KREMEN1: variants seen among roughly 807,000 people sequenced by gnomAD.
KREMEN1 encodes kringle containing transmembrane protein 1, also known as kremen protein 1.
In KREMEN1, 30 loss-of-function variants were observed where a neutral mutation model predicts 46.5. That is an observed-to-expected ratio of 0.65 (90% CI 0.48 to 0.88). The LOEUF (loss-of-function observed/expected upper bound fraction) is 0.88. KREMEN1 is among the 40% of genes least tolerant of loss of function. KREMEN1 has a pLI of 0.00. For missense variants in KREMEN1, 533 were observed against 596.9 expected (o/e 0.89, Z 1.11); for synonymous variants, 214 against 230.6 (o/e 0.93, Z 0.65).
chr22:29,094,326 C>A lies in KREMEN1; in HGVS notation c.166C>A (p.Pro56Thr), dbSNP rs764936485. Residue 56 changes from proline (P) to threonine (T), a missense_variant, in exon 2 of 9, where the codon CCA (proline) becomes ACA (threonine). Coordinates refer to ENST00000400335, the MANE Select transcript of KREMEN1 (RefSeq NM_001039570.3). ...QNWTALQGGK[P>T]CLFWNETFQH... ...CTGGACAGCACTACAAGGCGGGAAG[C>A]CATGTCTGTTTTGGAACGAGACTTT... 68 of 1,613,794 alleles carry A rather than the reference C, an allele frequency of 4.2e-5. No individual in the cohort carries two copies. Among genetic ancestry groups the A allele is most frequent in the Non-Finnish European group, 8.5e-6 (10 of 1,179,832 alleles).
intron 1 of KREMEN1, among the ~76,000 whole-genome samples, chr22:29,091,857 T>G (rs140883742): frequency 3.9e-5 from 6 of 152,344 alleles, no homozygotes; most frequent in African/African-American, 1.4e-4. Flanking sequence ...AAGGTAGTGT[T>G]CAGTCTGTGA....
chr22:29,119,979 T>G (rs796074365), intron 3 of KREMEN1, among the ~76,000 whole-genome samples: 111 of 141,578 alleles, frequency 7.8e-4, no homozygotes, highest in African/African-American at 3.2e-3. Flanking sequence ...AGAAGACAGA[T>G]GTGACAATGG....
At chr22:29,080,735 CA>C (rs1458748323) in intron 1 of KREMEN1, among the ~76,000 whole-genome samples, 1 of 152,076 alleles carries the variant, frequency 6.6e-6, no homozygotes, top group Non-Finnish European at 1.5e-5. Flanking sequence ...ATTTTGCCCC[CA>C]GGGGACATTT....
In KREMEN1 at chr22:29,145,528, T is replaced by C; in HGVS notation, c.*3416T>C. 1.0e-6 allele frequency: 1 copy of C among 985,528 alleles called. No homozygotes were observed. Among genetic ancestry groups the C allele is most frequent in the Non-Finnish European group, 1.2e-6 (1 of 830,020 alleles). 61.0% of individuals were successfully genotyped at this position (985,528 alleles called of 1,614,324 possible). On this transcript the variant is annotated 3_prime_UTR_variant, in exon 9 of 9. Coordinates refer to ENST00000400335, the MANE Select transcript of KREMEN1 (RefSeq NM_001039570.3). The stretch of plus-strand genomic sequence containing the variant: ...AGCCCTCACCAGCCGATCTTGTCAC[T>C]CTCCGTGGTGACAGTGTCTTGGCCA...
chr22:29,137,586 G>C lies in KREMEN1; in HGVS notation c.876G>C (p.Leu292=). The change falls in exon 6 of 9, where the codon CTG becomes CTC. Residue 292 remains leucine, a synonymous_variant. Coordinates refer to ENST00000400335, the MANE Select transcript of KREMEN1 (RefSeq NM_001039570.3). ...ARFHGRSRPP[L]SFNVSLDFVI... is the part of the protein sequence containing the mutation. ...TCCACGGGAGGAGCCGCCCACCTCT[G>C]TCCTTCAACGTCTCTCTGGACTTCG... 1 of 1,613,540 alleles carries C rather than the reference G, an allele frequency of 6.2e-7. No homozygotes were observed. The highest frequency in any genetic ancestry group is 8.5e-7 in the Non-Finnish European group (1 of 1,179,502).
chr22:29,108,914 C>T (rs774195967), intron 3 of KREMEN1, among the ~76,000 whole-genome samples: 2 of 152,288 alleles, frequency 1.3e-5, no homozygotes, highest in Middle Eastern at 3.4e-3. Flanking sequence ...CTCAGTGTCC[C>T]AAGTAGCTGG....
intron 1 of KREMEN1, among the ~76,000 whole-genome samples, chr22:29,083,243 G>C (rs134624): frequency 0.64 from 97,245 of 152,008 alleles, 31,312 homozygotes; most frequent in Middle Eastern, 0.78. Context: ...CTTTACATCA[G>C]CAAAGTATAA....
chr22:29,126,422 G>C (rs914870351), intron 5 of KREMEN1, among the ~76,000 whole-genome samples: 1 of 152,144 alleles, frequency 6.6e-6, no homozygotes, highest in Non-Finnish European at 1.5e-5. Context: ...TCTGGTGGTT[G>C]TCGGCGATCC....
chr22:29,148,702 G>A (rs1293112526), downstream of KREMEN1, among the ~76,000 whole-genome samples: 2 of 152,014 alleles, frequency 1.3e-5, no homozygotes, highest in South Asian at 2.1e-4. Context: ...TGATCCGCCC[G>A]CCTCGGCCTC....
At chr22:29,097,169 C>T (rs1452825339) in intron 2 of KREMEN1, among the ~76,000 whole-genome samples, 1 of 152,262 alleles carries the variant, frequency 6.6e-6, no homozygotes, top group Non-Finnish European at 1.5e-5. Flanking sequence ...GCTGCAGGAT[C>T]TTTATGCCCA....
chr22:29,161,221 G>C (rs760716631), intron 9 of KREMEN1, among the ~76,000 whole-genome samples: 1 of 152,128 alleles, frequency 6.6e-6, no homozygotes, highest in African/African-American at 2.4e-5. Context: ...AATTGAATCA[G>C]CACTGGCCAG....
chr22:29,148,793 C>T (rs1382509195), downstream of KREMEN1, among the ~76,000 whole-genome samples: 1 of 152,118 alleles, frequency 6.6e-6, no homozygotes, highest in Non-Finnish European at 1.5e-5. Flanking sequence ...ACAGACTGCT[C>T]GTGCTTTGAG....
At position 29,125,217 on chromosome 22, in the gene KREMEN1, A is replaced by G. The variant is rs537029937; in HGVS notation, c.478-46A>G. 1.1e-4 allele frequency: 175 copies of G among 1,600,166 alleles called. No individual in the cohort carries two copies. In the East Asian group the frequency reaches 3.7e-3, roughly 34 times the overall value. On this transcript the variant is annotated intron_variant, in intron 4 of 8. Coordinates refer to ENST00000400335, the MANE Select transcript of KREMEN1 (RefSeq NM_001039570.3). The stretch of plus-strand genomic sequence containing the variant: ...CTGCCAGGCTCCTTCAGGCCATCTG[A>G]CATCCCTGATGATGCTTACCGTGTG...
intron 9 of KREMEN1, among the ~76,000 whole-genome samples, chr22:29,153,200 C>A (rs577821467): frequency 6.6e-6 from 1 of 152,136 alleles, no homozygotes; most frequent in Non-Finnish European, 1.5e-5. Flanking sequence ...TTGGTTTTGG[C>A]GGGTTTTGTC....
intron 3 of KREMEN1, among the ~76,000 whole-genome samples, chr22:29,099,817 G>C (rs1487981352): frequency 6.6e-6 from 1 of 151,758 alleles, no homozygotes; most frequent in African/African-American, 2.4e-5. Context: ...CAAAGTGTTG[G>C]GATTACAGGC....
intron 9 of KREMEN1, chr22:29,154,688 C>CCCTT (rs2038946060): frequency 6.6e-6 from 1 of 152,044 alleles, no homozygotes; most frequent in South Asian, 2.1e-4. Context: ...TGCTCTCAAG[C>CCCTT]CCTTCCATTA....
At chr22:29,087,481 A>G (rs1470775329) in intron 1 of KREMEN1, among the ~76,000 whole-genome samples, 2 of 152,226 alleles carry the variant, frequency 1.3e-5, no homozygotes, top group African/African-American at 4.8e-5. Flanking sequence ...TATAGAGAGC[A>G]TATTCTTCAG....
At chr22:29,131,629 T>C (rs1448038366) in intron 5 of KREMEN1, among the ~76,000 whole-genome samples, 3 of 135,286 alleles carry the variant, frequency 2.2e-5, no homozygotes, top group Admixed American at 1.5e-4. Flanking sequence ...TATGTATATA[T>C]GTATATATAT....
At chr22:29,122,843 C>T (rs779985661) in intron 4 of KREMEN1, among the ~76,000 whole-genome samples, 31 of 140,006 alleles carry the variant, frequency 2.2e-4, no homozygotes, top group Non-Finnish European at 3.6e-4. Flanking sequence ...GAGGCTGAGG[C>T]GGGAGAATTG....
Sources: gnomAD v4.1 joint callset for allele counts (sites outside exome capture counted in the v4.1 genomes callset) on GRCh38, gnomAD v4.1.1 for gene constraint, MANE v1.5 for transcripts, NCBI Gene and HGNC (gene_info 2026-07-23, HGNC 2026-07-21) for gene names.